The following LDB2 variants were observed in gnomAD, a reference collection of about 807,000 sequenced individuals.
LDB2 encodes LIM domain-binding protein 2.
LDB2 carries 12 observed loss-of-function variants against 44.3 expected under a neutral mutation model. The ratio of observed to expected loss-of-function variants is 0.27; its 90% CI spans 0.17 to 0.44. The LOEUF (loss-of-function observed/expected upper bound fraction) is 0.44. LDB2 is among the 20% of genes least tolerant of loss of function. The probability of loss-of-function intolerance (pLI) is 1.00; values close to 1 mark genes in which losing one functional copy is unlikely to be tolerated. For synonymous variants in LDB2, 164 were observed against 174.8 expected (o/e 0.94, Z 0.49); for missense variants, 344 against 473.5 (o/e 0.73, Z 2.54).
At position 16,601,243 on chromosome 4, in the gene LDB2, T is replaced by C. The variant is rs1439143765; in HGVS notation, c.236-5368A>G. ...AAGTCTGTTAGGTGGGACTCTAAGC[T>C]CTTGGTAAATACCCTTACCAAACTG... is the stretch of plus-strand genomic sequence containing the variant. On this transcript the variant is annotated intron_variant, in intron 2 of 7. Coordinates refer to ENST00000304523, the MANE Select transcript of LDB2 (RefSeq NM_001290.5). Among the ~76,000 whole-genome samples, 5 of 152,302 alleles carry C rather than the reference T, an allele frequency of 3.3e-5. No homozygotes were observed. The East Asian group carries it at 9.7e-4, about 29-fold the overall frequency.
intron 1 of LDB2, among the ~76,000 whole-genome samples, chr4:16,781,063 T>C (rs1039489533): frequency 2.0e-5 from 3 of 152,172 alleles, no homozygotes; most frequent in African/African-American, 7.2e-5. Flanking sequence ...AATTGACTCT[T>C]TCCATGGTTC....
At chr4:16,747,956 C>A (rs79229430) in intron 2 of LDB2, among the ~76,000 whole-genome samples, 2 of 152,076 alleles carry the variant, frequency 1.3e-5, no homozygotes, top group Non-Finnish European at 2.9e-5. Context: ...AAAAGACAAA[C>A]AATCAAACTG....
intron 1 of LDB2, among the ~76,000 whole-genome samples, chr4:16,812,897 G>A (rs950049027): frequency 4.0e-5 from 6 of 151,674 alleles, no homozygotes; most frequent in South Asian, 2.1e-4. Context: ...CTAAGATGGC[G>A]AAAAAACAAA....
chr4:16,657,221 G>A (rs1038070400), intron 2 of LDB2, among the ~76,000 whole-genome samples: 1 of 152,198 alleles, frequency 6.6e-6, no homozygotes, highest in Non-Finnish European at 1.5e-5. Flanking sequence ...TTCCTAGAAT[G>A]TGGTTACTAA....
intron 5 of LDB2, among the ~76,000 whole-genome samples, chr4:16,559,207 C>T (rs1399361413): frequency 6.6e-6 from 1 of 152,150 alleles, no homozygotes; most frequent in Non-Finnish European, 1.5e-5. Flanking sequence ...CAAATTCACA[C>T]ATAACAATAT....
At chr4:16,623,526 G>A (rs1729445684) in intron 2 of LDB2, among the ~76,000 whole-genome samples, 3 of 152,158 alleles carry the variant, frequency 2.0e-5, no homozygotes, top group Admixed American at 1.3e-4. Flanking sequence ...GAGCCCGGGA[G>A]GCGGACGTTG....
chr4:16,607,072 G>A (rs1724153629), intron 2 of LDB2, among the ~76,000 whole-genome samples: 1 of 152,192 alleles, frequency 6.6e-6, no homozygotes, highest in Admixed American at 6.5e-5. Flanking sequence ...TATTATACAA[G>A]ACATTCCTTC....
At chr4:16,603,137 A>T (rs776768044) in intron 2 of LDB2, among the ~76,000 whole-genome samples, 6 of 152,198 alleles carry the variant, frequency 3.9e-5, no homozygotes, top group Admixed American at 1.3e-4. Flanking sequence ...TTCGACTTTG[A>T]TCTAAAGTAC....
chr4:16,582,596 C>T lies in LDB2; in HGVS notation c.615+3326G>A, dbSNP rs1445616417. Among the ~76,000 whole-genome samples, 3 of 152,180 alleles carry T rather than the reference C, an allele frequency of 2.0e-5. No individual in the cohort carries two copies. The highest frequency in any genetic ancestry group is 7.2e-5 in the African/African-American group (3 of 41,440). On this transcript the variant is annotated intron_variant, in intron 5 of 7. Transcript: ENST00000304523. This position sits in a 1 kb window ranked among gnomAD's most constrained non-coding sequence, Gnocchi z 4.8. ...CTGAGGACATGCTTCGTGAAACCCA[C>T]CACCCGGTATCGGAATACCCAACAG... is the stretch of plus-strand genomic sequence containing the variant.
chr4:16,751,919 T>C (rs1203854697), intron 2 of LDB2, among the ~76,000 whole-genome samples: 1 of 152,168 alleles, frequency 6.6e-6, no homozygotes. Flanking sequence ...AATCACAATA[T>C]CAGTTCCCAC....
Position 16,586,007 on chromosome 4 carries a change from T to G in LDB2, c.532-2A>C. 6.2e-7 allele frequency: 1 copy of G among 1,612,628 alleles called. No homozygotes were observed. On this transcript the variant is annotated splice_acceptor_variant, in intron 4 of 7. Coordinates refer to ENST00000304523, the MANE Select transcript of LDB2 (RefSeq NM_001290.5). LOFTEE classifies it high-confidence loss of function. ...ATCCAGGACCTGAGGATCTTGTGCC[T>G]AAATGGAAAAAAAACCCCACATGTA...
At chr4:16,619,500 A>G (rs917079676) in intron 2 of LDB2, among the ~76,000 whole-genome samples, 3 of 152,216 alleles carry the variant, frequency 2.0e-5, no homozygotes, top group South Asian at 2.1e-4. Flanking sequence ...GCCACACTCC[A>G]CTTAACATGT....
intron 1 of LDB2, among the ~76,000 whole-genome samples, chr4:16,873,729 G>T (rs991035866): frequency 2.6e-5 from 4 of 151,880 alleles, no homozygotes; most frequent in Non-Finnish European, 5.9e-5. Flanking sequence ...TTTTTTTCAT[G>T]ATCCTATTGA....
In LDB2 at chr4:16,580,084, TAGC is replaced by T. The variant is rs1301763630; in HGVS notation, c.615+5835_615+5837del. Among the ~76,000 whole-genome samples the T allele has an allele frequency of 2.0e-5, 3 of 152,170 alleles. No individual in the cohort carries two copies. The East Asian group carries it at 5.8e-4, about 29-fold the overall frequency. The stretch of plus-strand genomic sequence containing the variant: ...GGAAAATTGGATGATGAGAGAAGGG[TAGC>T]AACAGCGTTCCAGGCAGTGGCAGTG... On this transcript the variant is annotated intron_variant, in intron 5 of 7. Coordinates refer to ENST00000304523, the MANE Select transcript of LDB2 (RefSeq NM_001290.5).
chr4:16,546,207 T>C (rs999375575), intron 5 of LDB2, among the ~76,000 whole-genome samples: 1 of 152,180 alleles, frequency 6.6e-6, no homozygotes, highest in Admixed American at 6.5e-5. Context: ...AGTGCAAACA[T>C]ACTAGTGAAA....
chr4:16,672,582 A>G (rs1257676680), intron 2 of LDB2, among the ~76,000 whole-genome samples: 1 of 152,154 alleles, frequency 6.6e-6, no homozygotes, highest in Non-Finnish European at 1.5e-5. Flanking sequence ...CTTATTAAAA[A>G]CAGAAAATCT....
intron 2 of LDB2, among the ~76,000 whole-genome samples, chr4:16,678,053 G>A (rs988815088): frequency 6.6e-6 from 1 of 152,198 alleles, no homozygotes; most frequent in Non-Finnish European, 1.5e-5. Context: ...AGTTCCCATT[G>A]TCTTAGGACC....
At chr4:16,647,959 GAATAT>G (rs1180438553) in intron 2 of LDB2, among the ~76,000 whole-genome samples, 1 of 152,162 alleles carries the variant, frequency 6.6e-6, no homozygotes, top group Non-Finnish European at 1.5e-5. Context: ...CCTACACTCT[GAATAT>G]AATGCATCTC....
rs149211343 is a variant in LDB2, at chr4:16,760,406, C to T, written c.133-1146G>A. On this transcript the variant is annotated intron_variant, in intron 1 of 7. Coordinates refer to ENST00000304523, the MANE Select transcript of LDB2 (RefSeq NM_001290.5). The stretch of plus-strand genomic sequence containing the variant: ...TTAAGGAGCCACGGAAGATTGATGC[C>T]GTCCTCTCCTTCAGAAAAGAAGAAG... Among the ~76,000 whole-genome samples the T allele has an allele frequency of 3.7e-3, 566 of 152,212 alleles. 6 individuals carry two copies. Among genetic ancestry groups the T allele is most frequent in the African/African-American group, 0.013 (533 of 41,544 alleles).
Sources: allele counts gnomAD v4.1 joint callset (sites outside exome capture counted in the v4.1 genomes callset), GRCh38; gene constraint gnomAD v4.1.1; non-coding constraint Gnocchi (gnomAD v3.1); transcripts MANE v1.5; gene names NCBI Gene and HGNC (gene_info 2026-07-23, HGNC 2026-07-21).